LRRC18: variants seen among roughly 807,000 people sequenced by gnomAD.
The protein encoded by LRRC18 is leucine-rich repeat-containing protein 18.
A neutral mutation model predicts 11.2 loss-of-function variants in LRRC18; 12 were observed. That is an observed-to-expected ratio of 1.07 (90% CI 0.69 to 1.74). The LOEUF (loss-of-function observed/expected upper bound fraction) is 1.74, where lower values mean the gene tolerates loss of function less well. LRRC18 is among the 40% of genes most tolerant of loss of function. LRRC18 has a pLI of 0.00. For synonymous variants in LRRC18, 155 were observed against 130.6 expected (o/e 1.19, Z -1.27); for missense variants, 374 against 330.5 (o/e 1.13, Z -1.02).
At chr10:48,916,492 C>A (rs1838545421), upstream of LRRC18, among the ~76,000 whole-genome samples, 1 of 152,178 alleles carries the variant, frequency 6.6e-6, no homozygotes, top group Non-Finnish European at 1.5e-5. Flanking sequence ...TGTCTTTGAC[C>A]AAACTGTGGT....
chr10:48,933,232 G>C, the LRRC18 span, among the ~76,000 whole-genome samples: 1 of 150,652 alleles, frequency 6.6e-6, no homozygotes, highest in Non-Finnish European at 1.5e-5. Flanking sequence ...ACTGCTAGAG[G>C]GGCCTAGCAC....
the LRRC18 span, among the ~76,000 whole-genome samples, chr10:48,928,785 G>A: frequency 1.2e-3 from 186 of 152,324 alleles, no homozygotes; most frequent in African/African-American, 4.3e-3. Context: ...TATCACCTGG[G>A]AAGGTGTGAA....
intron 1 of LRRC18, among the ~76,000 whole-genome samples, chr10:48,911,735 T>G (rs1838024122): frequency 6.6e-6 from 1 of 152,244 alleles, no homozygotes; most frequent in African/African-American, 2.4e-5. Flanking sequence ...TACTGTAGAA[T>G]GATGAATGCT....
the LRRC18 span, among the ~76,000 whole-genome samples, chr10:48,936,940 A>G: frequency 6.6e-6 from 1 of 150,988 alleles, no homozygotes; most frequent in East Asian, 2.0e-4. Context: ...TTTTTTTGAG[A>G]CATAGTCTCA....
chr10:48,927,140 T>C, the LRRC18 span, among the ~76,000 whole-genome samples: 1 of 152,202 alleles, frequency 6.6e-6, no homozygotes, highest in Non-Finnish European at 1.5e-5. Context: ...GTGAGCTCAC[T>C]TGAAAGTCTA....
At chr10:48,911,184 T>A (rs1364729544) in intron 1 of LRRC18, among the ~76,000 whole-genome samples, 1 of 152,180 alleles carries the variant, frequency 6.6e-6, no homozygotes, top group Non-Finnish European at 1.5e-5. Context: ...TCATCACACA[T>A]GTCTCAGACA....
At chr10:48,924,583 AG>A in the LRRC18 span, among the ~76,000 whole-genome samples, 1 of 152,202 alleles carries the variant, frequency 6.6e-6, no homozygotes, top group South Asian at 2.1e-4. Context: ...CAAATATAAG[AG>A]GTTTCTAAAG....
chr10:48,930,573 G>T, the LRRC18 span, among the ~76,000 whole-genome samples: 1 of 152,178 alleles, frequency 6.6e-6, no homozygotes, highest in South Asian at 2.1e-4. Context: ...ACTCTGGGAA[G>T]AGGTGGGACT....
chr10:48,918,983 A>G (rs947058395), upstream of LRRC18, among the ~76,000 whole-genome samples: 1 of 152,228 alleles, frequency 6.6e-6, no homozygotes. Context: ...TGAATCTGAC[A>G]TGTATAAAGC....
At chr10:48,928,385 T>TGA in the LRRC18 span, among the ~76,000 whole-genome samples, 1 of 148,934 alleles carries the variant, frequency 6.7e-6, no homozygotes, top group African/African-American at 2.5e-5. Context: ...TGTGTGTGTG[T>TGA]GTGTGTGTGT....
At chr10:48,915,141 A>G (rs2663064), upstream of LRRC18, among the ~76,000 whole-genome samples, 10,947 of 152,214 alleles carry the variant, frequency 0.072, 542 homozygotes, top group Middle Eastern at 0.11. Context: ...AGACACCCTT[A>G]CAGAGCTATG....
At chr10:48,931,922 A>G in the LRRC18 span, among the ~76,000 whole-genome samples, 9 of 152,226 alleles carry the variant, frequency 5.9e-5, no homozygotes, top group African/African-American at 2.2e-4. Context: ...GGCAGCTTCT[A>G]GATAGGATGG....
chr10:48,924,799 A>G, the LRRC18 span, among the ~76,000 whole-genome samples: 1 of 152,266 alleles, frequency 6.6e-6, no homozygotes, highest in Non-Finnish European at 1.5e-5. Context: ...AAGCATTTCC[A>G]GTTGTAAGAC....
the LRRC18 span, among the ~76,000 whole-genome samples, chr10:48,928,096 T>G: frequency 6.6e-6 from 1 of 152,132 alleles, no homozygotes; most frequent in African/African-American, 2.4e-5. Flanking sequence ...ACAGGTGTTA[T>G]TTTGTCTTCT....
the LRRC18 span, among the ~76,000 whole-genome samples, chr10:48,923,418 G>A: frequency 6.7e-6 from 1 of 149,926 alleles, no homozygotes; most frequent in East Asian, 2.0e-4. Context: ...CCCCATGGTA[G>A]ATTTGCCAGA....
At chr10:48,932,113 G>T in the LRRC18 span, among the ~76,000 whole-genome samples, 1 of 152,236 alleles carries the variant, frequency 6.6e-6, no homozygotes, top group African/African-American at 2.4e-5. Context: ...CTGCAAAATG[G>T]ATTGGTCAAT....
the LRRC18 span, among the ~76,000 whole-genome samples, chr10:48,928,287 G>A: frequency 1.3e-5 from 2 of 152,096 alleles, no homozygotes; most frequent in Admixed American, 6.5e-5. Flanking sequence ...TAAAGAGGAT[G>A]TAAAAGTGGC....
At chr10:48,917,032 T>C (rs1838612597), upstream of LRRC18, among the ~76,000 whole-genome samples, 1 of 152,188 alleles carries the variant, frequency 6.6e-6, no homozygotes, top group Admixed American at 6.5e-5. Context: ...ACACAAATAC[T>C]TACCCTTGTG....
intron 1 of LRRC18, 32 bp from the exon 4 acceptor site, chr10:48,910,290 T>C (rs1837883310): frequency 6.5e-7 from 1 of 1,544,780 alleles, no homozygotes; most frequent in Non-Finnish European, 8.8e-7. Flanking sequence ...GGTGAGGCAA[T>C]TGCTCCAGGC....
Sources: allele counts gnomAD v4.1 joint callset (sites outside exome capture counted in the v4.1 genomes callset), GRCh38; gene constraint gnomAD v4.1.1; transcripts MANE v1.5; gene names NCBI Gene and HGNC (gene_info 2026-07-23, HGNC 2026-07-21).